The following PREPL variants were observed in gnomAD, a reference collection of about 807,000 sequenced individuals.
PREPL encodes prolyl endopeptidase-like.
In PREPL, 77 loss-of-function variants were observed where a neutral mutation model predicts 70.6. The ratio of observed to expected loss-of-function variants is 1.09; its 90% CI spans 0.91 to 1.32. The LOEUF (loss-of-function observed/expected upper bound fraction) is 1.32. Ranked by LOEUF, PREPL falls within the 40% of genes most tolerant of loss-of-function variation. The pLI is 0.00. For missense variants in PREPL, 1,002 were observed against 778.2 expected (o/e 1.29, Z -3.42); for synonymous variants, 315 against 264.8 (o/e 1.19, Z -1.84).
In PREPL at chr2:44,317,933, A is replaced by AGAATT. The variant is rs1487403389; in HGVS notation, c.*3418_*3422dup. The AGAATT allele has an allele frequency of 4.0e-6, 1 of 249,496 alleles. No individual in the cohort carries two copies. The highest frequency in any genetic ancestry group is 8.1e-6 in the Non-Finnish European group (1 of 123,368). 15.5% of individuals were successfully genotyped at this position (249,496 alleles called of 1,614,324 possible). Reference sequence around the variant, plus strand: ...TAAGAAACACTAACATAAAACACAAAGAATTAAAATGAAGATATAGCAAGC... The same window carrying AGAATT: ...TAAGAAACACTAACATAAAACACAAAGAATTGAATTAAAATGAAGATATAGCAAGC... On this transcript the variant is annotated 3_prime_UTR_variant, in exon 14 of 14. Coordinates refer to ENST00000409411, the MANE Select transcript of PREPL (RefSeq NM_001171613.2).
At chr2:44,341,729 GAAA>G (rs942757514) in intron 5 of PREPL, among the ~76,000 whole-genome samples, 2 of 149,932 alleles carry the variant, frequency 1.3e-5, no homozygotes, top group African/African-American at 2.4e-5. Context: ...ATTACAAAAA[GAAA>G]AAAAGAAAAG....
At chr2:44,341,637 C>A (rs1489319884) in intron 5 of PREPL, among the ~76,000 whole-genome samples, 1 of 151,468 alleles carries the variant, frequency 6.6e-6, no homozygotes, top group East Asian at 1.9e-4. Context: ...ATATAAAGAA[C>A]TAGACATTAA....
rs1256928781 is a variant in PREPL at position 44,319,217 on chromosome 2, TAAC to T, written c.*2136_*2138del. On this transcript the variant is annotated 3_prime_UTR_variant, in exon 14 of 14. Coordinates refer to ENST00000409411, the MANE Select transcript of PREPL (RefSeq NM_001171613.2). Reference sequence around the variant, plus strand: ...CCCTAAAGAACAATAACAACCACAATAACAACTATCACCCCAGTAAACATGGCT... The same window carrying T: ...CCCTAAAGAACAATAACAACCACAATAACTATCACCCCAGTAAACATGGCT... 1.3e-5 allele frequency: 2 copies of T among 152,494 alleles called. No individual in the cohort carries two copies. The highest frequency in any genetic ancestry group is 1.9e-4 in the East Asian group (1 of 5,196). 9.4% of individuals were successfully genotyped at this position (152,494 alleles called of 1,614,324 possible). A position where few individuals can be genotyped will look rare whatever the true frequency, so the allele number is the denominator to read the frequency against.
chr2:44,331,003 C>T (rs1674029215), intron 8 of PREPL, among the ~76,000 whole-genome samples: 2 of 152,130 alleles, frequency 1.3e-5, no homozygotes, highest in South Asian at 2.1e-4. Context: ...AATGCAATGG[C>T]GCAATCACAA....
intron 8 of PREPL, among the ~76,000 whole-genome samples, chr2:44,329,358 T>A (rs921132996): frequency 1.3e-5 from 2 of 152,224 alleles, no homozygotes; most frequent in African/African-American, 4.8e-5. Flanking sequence ...AAACATTTTA[T>A]TAAATGCAGC....
At chr2:44,330,184 T>A (rs903958801) in intron 8 of PREPL, among the ~76,000 whole-genome samples, 4 of 152,180 alleles carry the variant, frequency 2.6e-5, no homozygotes, top group African/African-American at 9.7e-5. Flanking sequence ...TCCCAACTCT[T>A]CCCCAACTTC....
In PREPL at chr2:44,346,251, G is replaced by A. The variant is rs375409764; in HGVS notation, c.75+17C>T. The A allele has an allele frequency of 1.3e-6, 2 of 1,596,782 alleles. No homozygotes were observed. The highest frequency in any genetic ancestry group is 1.7e-6 in the Non-Finnish European group (2 of 1,174,034). ...GTAATATCAAAAATTTTTTTTTAAA[G>A]ACATGAGATATCTTACTTCCACATT... On this transcript the variant is annotated intron_variant, in intron 2 of 13. Coordinates refer to ENST00000409411, the MANE Select transcript of PREPL (RefSeq NM_001171613.2).
chr2:44,342,039 T>C (rs770190624), intron 5 of PREPL, among the ~76,000 whole-genome samples: 13 of 152,118 alleles, frequency 8.5e-5, no homozygotes, highest in Non-Finnish European at 1.9e-4. Flanking sequence ...ATTTAAGCAA[T>C]AGATACTGAC....
chr2:44,328,014 G>A (rs564391967), intron 9 of PREPL, among the ~76,000 whole-genome samples: 15 of 147,954 alleles, frequency 1.0e-4, no homozygotes, highest in African/African-American at 3.3e-4. Context: ...GGGCTGGTAC[G>A]GTGGCTCATG....
intron 1 of PREPL, among the ~76,000 whole-genome samples, chr2:44,354,779 G>A (rs1572573768): frequency 6.6e-6 from 1 of 152,168 alleles, no homozygotes; most frequent in East Asian, 1.9e-4. Flanking sequence ...GTTCTGCCAT[G>A]TTGGTCAGGC....
In PREPL at chr2:44,359,530, T is replaced by C. The variant is rs773821347; in HGVS notation, c.-49+1850A>G. On this transcript the variant is annotated intron_variant, in intron 1 of 13. Transcript: ENST00000409411. ...AGAAGCTCCGACTTGGGATGTTTCT[T>C]GCTAACTCTGATATCTTGGGTTTAT... 4 of 1,613,232 alleles carry C rather than the reference T, an allele frequency of 2.5e-6. No individual in the cohort carries two copies. Among genetic ancestry groups the C allele is most frequent in the Non-Finnish European group, 2.5e-6 (3 of 1,179,288 alleles).
Position 44,322,837 on chromosome 2 carries a change from G to A in PREPL, c.1647C>T (p.His549=), listed in dbSNP as rs950736240. The part of the protein sequence containing the change: ...NIKPQHYPSI[H]ITAYENDERV... ...GTTCATCGTTTTCATATGCCGTTAT[G>A]TGAATTGAAGGATAATGCTGAAAGA... is the stretch of plus-strand genomic sequence containing the variant. The change falls in exon 12 of 14, where the codon CAC becomes CAT. Residue 549 remains histidine (H), a synonymous_variant. Transcript: ENST00000409411. 8.7e-6 allele frequency: 14 copies of A among 1,613,456 alleles called. No homozygotes were observed. In the African/African-American group the frequency reaches 1.6e-4, roughly 18 times the overall value.
At chr2:44,341,578 G>A (rs1339689954) in intron 5 of PREPL, among the ~76,000 whole-genome samples, 3 of 152,150 alleles carry the variant, frequency 2.0e-5, no homozygotes, top group African/African-American at 7.2e-5. Flanking sequence ...TACAGGAAGT[G>A]AGAACACAAG....
chr2:44,333,132 TTTCAGGG>T (rs1674290468), intron 7 of PREPL, among the ~76,000 whole-genome samples: 1 of 152,210 alleles, frequency 6.6e-6, no homozygotes, highest in Non-Finnish European at 1.5e-5. Flanking sequence ...ACAGTTATTA[TTTCAGGG>T]CTATAAACGG....
chr2:44,348,760 A>C (rs756177857), intron 1 of PREPL, among the ~76,000 whole-genome samples: 2 of 152,220 alleles, frequency 1.3e-5, no homozygotes, highest in Non-Finnish European at 2.9e-5. Context: ...CAGCTTTCTA[A>C]GTAACTCTTC....
chr2:44,329,437 A>T (rs1376874417), intron 8 of PREPL, among the ~76,000 whole-genome samples: 1 of 152,196 alleles, frequency 6.6e-6, no homozygotes, highest in Non-Finnish European at 1.5e-5. Flanking sequence ...TTTCAGATGA[A>T]ACCAAAATAC....
chr2:44,329,783 A>T (rs986953286), intron 8 of PREPL, among the ~76,000 whole-genome samples: 2 of 152,194 alleles, frequency 1.3e-5, no homozygotes, highest in African/African-American at 4.8e-5. Flanking sequence ...ACCATCCCCC[A>T]ATGTAGCTCA....
chr2:44,349,089 G>C (rs1676126313), intron 1 of PREPL, among the ~76,000 whole-genome samples: 1 of 152,086 alleles, frequency 6.6e-6, no homozygotes, highest in Non-Finnish European at 1.5e-5. Context: ...CACTCCCCAA[G>C]TGACCCACCA....
At chr2:44,342,109 G>A (rs930051299) in intron 5 of PREPL, among the ~76,000 whole-genome samples, 6 of 152,092 alleles carry the variant, frequency 3.9e-5, no homozygotes, top group African/African-American at 1.4e-4. Flanking sequence ...AGGTGAAACA[G>A]ACTCAGTCTG....
Sources: allele counts gnomAD v4.1 joint callset (sites outside exome capture counted in the v4.1 genomes callset), GRCh38; gene constraint gnomAD v4.1.1; transcripts MANE v1.5; gene names NCBI Gene and HGNC (gene_info 2026-07-23, HGNC 2026-07-21).